The following UST variants were observed in gnomAD, a reference collection of about 807,000 sequenced individuals.
UST encodes the protein chondroitin sulfate 2-O-sulfotransferase.
UST carries 21 observed loss-of-function variants against 45.6 expected under a neutral mutation model. That is an observed-to-expected ratio of 0.46 (90% CI 0.33 to 0.66). The LOEUF (loss-of-function observed/expected upper bound fraction) is 0.66, where lower values mean the gene tolerates loss of function less well. Ranked by LOEUF, UST falls within the 30% of genes least tolerant of loss-of-function variation. The pLI is 0.02. For synonymous variants in UST, 215 were observed against 200.6 expected, an observed-to-expected ratio of 1.07 and a Z score of -0.61; for missense variants, 463 against 512.4, an observed-to-expected ratio of 0.90 and a Z score of 0.93.
intron 5 of UST, among the ~76,000 whole-genome samples, chr6:149,007,030 A>G (rs936918402): frequency 3.3e-5 from 5 of 151,994 alleles, no homozygotes; most frequent in African/African-American, 1.2e-4. Context: ...CTGGACTTCT[A>G]TCACAAAATC....
At chr6:149,011,131 A>C (rs1775803107) in intron 5 of UST, among the ~76,000 whole-genome samples, 1 of 152,198 alleles carries the variant, frequency 6.6e-6, no homozygotes, top group South Asian at 2.1e-4. Context: ...AAAATGAATG[A>C]GATCCTGTCA....
intron 1 of UST, among the ~76,000 whole-genome samples, chr6:148,874,235 T>C (rs917704920): frequency 2.0e-5 from 3 of 149,706 alleles, no homozygotes; most frequent in African/African-American, 7.7e-5. Flanking sequence ...AAATTATACA[T>C]ATTTATATTT....
At chr6:148,997,231 A>T (rs986484395) in intron 5 of UST, among the ~76,000 whole-genome samples, 2 of 152,270 alleles carry the variant, frequency 1.3e-5, no homozygotes. Context: ...AAATACCAGC[A>T]TAATAAAGGG....
At chr6:148,916,801 C>T (rs145091730) in intron 2 of UST, among the ~76,000 whole-genome samples, 4 of 152,318 alleles carry the variant, frequency 2.6e-5, no homozygotes, top group South Asian at 2.1e-4. Flanking sequence ...TGTCGTAATA[C>T]GTATTTGGCC....
intron 5 of UST, among the ~76,000 whole-genome samples, chr6:148,969,075 G>C (rs1460603629): frequency 6.6e-6 from 1 of 152,188 alleles, no homozygotes; most frequent in Non-Finnish European, 1.5e-5. Flanking sequence ...TTTTTAGAAA[G>C]CTATGCATTT....
chr6:148,937,606 T>A (rs1780047935), intron 2 of UST, among the ~76,000 whole-genome samples: 1 of 152,218 alleles, frequency 6.6e-6, no homozygotes, highest in Non-Finnish European at 1.5e-5. Flanking sequence ...AATTAAGTGA[T>A]TTCACCTAAG....
chr6:149,049,761 G>C (rs1776452260), intron 7 of UST, among the ~76,000 whole-genome samples: 1 of 152,120 alleles, frequency 6.6e-6, no homozygotes, highest in Admixed American at 6.5e-5. Flanking sequence ...CAGCACAGTT[G>C]TGTGCACACA....
intron 7 of UST, among the ~76,000 whole-genome samples, chr6:149,030,928 G>C (rs1193696306): frequency 6.6e-6 from 1 of 152,178 alleles, no homozygotes; most frequent in East Asian, 1.9e-4. Flanking sequence ...TCTAAGCTGG[G>C]CTGGGCATGC....
intron 3 of UST, among the ~76,000 whole-genome samples, chr6:148,949,781 C>G (rs1335056626): frequency 6.6e-6 from 1 of 152,184 alleles, no homozygotes; most frequent in East Asian, 1.9e-4. Flanking sequence ...AGCCTGCCCC[C>G]AACCCTCACA....
chr6:148,863,973 T>A lies in UST; in HGVS notation c.248-23013T>A, dbSNP rs143558225. On this transcript the variant is annotated intron_variant, in intron 1 of 7. Transcript: ENST00000367463. ...GTCAGGGACCAACTTAAGGAGGCAG[T>A]CTGTCTGTTCTCAGATCTCAAACTC... Among the ~76,000 whole-genome samples, 79 of 152,302 alleles carry A rather than the reference T, an allele frequency of 5.2e-4. No individual in the cohort carries two copies. In the East Asian group the frequency reaches 0.015, roughly 28 times the overall value.
At position 149,026,952 on chromosome 6, in the gene UST, G is replaced by A. The variant is rs188281889; in HGVS notation, c.937+5471G>A. 3.3e-5 allele frequency among the ~76,000 whole-genome samples: 5 copies of A among 152,216 alleles called. No homozygotes were observed. In the East Asian group the frequency reaches 7.7e-4, roughly 23 times the overall value. On this transcript the variant is annotated intron_variant, in intron 7 of 7. Transcript: ENST00000367463. ...GAAAAATATGTAACAAATTCCAAAC[G>A]AGTGACTTAAATCCTAACTTTGAGG...
intron 1 of UST, among the ~76,000 whole-genome samples, chr6:148,824,729 G>T (rs1349842304): frequency 7.3e-6 from 1 of 136,290 alleles, no homozygotes; most frequent in Non-Finnish European, 1.5e-5. Flanking sequence ...TGCACATTGT[G>T]CAGGTTAGTT....
intron 1 of UST, among the ~76,000 whole-genome samples, chr6:148,846,960 C>T (rs903779018): frequency 1.3e-5 from 2 of 152,236 alleles, no homozygotes; most frequent in African/African-American, 2.4e-5. Context: ...GGCATGGGCT[C>T]TCCTGAGTGA....
intron 1 of UST, among the ~76,000 whole-genome samples, chr6:148,769,750 T>TTGTGTGTGTGTGTGTGTGTGTG (rs57316536): frequency 2.7e-5 from 4 of 148,126 alleles, no homozygotes; most frequent in African/African-American, 9.9e-5. Flanking sequence ...GAGCCTGTGT[T>TTGTGTGTGTGTGTGTGTGTGTG]TGTGTGTGTG....
intron 5 of UST, among the ~76,000 whole-genome samples, chr6:149,006,126 A>G (rs2500533): frequency 0.9 from 136,790 of 152,260 alleles, 61,777 homozygotes; most frequent in African/African-American, 0.93. Flanking sequence ...TGTGCAGGAC[A>G]TGCAGTTTTG....
At position 148,827,095 on chromosome 6, in the gene UST, G is replaced by A. The variant is rs148055636; in HGVS notation, c.248-59891G>A. Among the ~76,000 whole-genome samples, 462 of 152,286 alleles carry A rather than the reference G, an allele frequency of 3.0e-3. 3 individuals carry two copies. In the Middle Eastern group the frequency reaches 0.044, roughly 15 times the overall value. The stretch of plus-strand genomic sequence containing the variant: ...AATAAATAAGGGCATTGTTGATACC[G>A]CCTGAAATGCAGAAGATGCTTGTTG... On this transcript the variant is annotated intron_variant, in intron 1 of 7. Coordinates refer to ENST00000367463, the MANE Select transcript of UST (RefSeq NM_005715.3).
At chr6:148,854,968 G>C (rs1382337440) in intron 1 of UST, among the ~76,000 whole-genome samples, 3 of 152,122 alleles carry the variant, frequency 2.0e-5, no homozygotes, top group Admixed American at 6.5e-5. Context: ...CGGGTTCCAC[G>C]TGGCTGGGGA....
At position 149,022,113 on chromosome 6, in the gene UST, A is replaced by G. The variant is rs191950277; in HGVS notation, c.937+632A>G. On this transcript the variant is annotated intron_variant, in intron 7 of 7. Transcript: ENST00000367463. Reference sequence around the variant, plus strand: ...CTGTGGTATCATCGTAAGTATAATTACTTTCAGAAATCCATCATTTATTTT... The same window carrying G: ...CTGTGGTATCATCGTAAGTATAATTGCTTTCAGAAATCCATCATTTATTTT... 1.8e-3 allele frequency among the ~76,000 whole-genome samples: 275 copies of G among 152,392 alleles called. 2 individuals are homozygous for G. Among genetic ancestry groups the G allele is most frequent in the African/African-American group, 6.0e-3 (250 of 41,590 alleles).
At chr6:148,953,983 A>C in intron 4 of UST, 32 bp downstream of exon 4, 1 of 1,524,154 alleles carries the variant, frequency 6.6e-7, no homozygotes, top group Non-Finnish European at 9.0e-7. Flanking sequence ...TGGTTCTTTC[A>C]TTTTCTTCTA....
Sources: allele counts gnomAD v4.1 joint callset (sites outside exome capture counted in the v4.1 genomes callset), GRCh38; gene constraint gnomAD v4.1.1; transcripts MANE v1.5; gene names NCBI Gene and HGNC (gene_info 2026-07-23, HGNC 2026-07-21).